PTK2: variants seen among roughly 807,000 people sequenced by gnomAD.
PTK2 encodes the protein protein tyrosine kinase 2.
Under a neutral mutation model 150.1 loss-of-function variants are expected in PTK2, and 45 were observed. The ratio of observed to expected loss-of-function variants is 0.30; its 90% CI spans 0.24 to 0.38. The LOEUF is 0.38. Ranked by LOEUF, PTK2 falls within the 10% of genes least tolerant of loss-of-function variation. PTK2 has a pLI of 1.00. For missense variants in PTK2, 919 were observed against 1,307.3 expected, an observed-to-expected ratio of 0.70 and a Z score of 4.58; for synonymous variants, 432 against 449.2, an observed-to-expected ratio of 0.96 and a Z score of 0.48.
intron 1 of PTK2, among the ~76,000 whole-genome samples, chr8:140,991,398 T>C (rs2100195654): frequency 6.6e-6 from 1 of 152,228 alleles, no homozygotes; most frequent in African/African-American, 2.4e-5. Flanking sequence ...CAAACTGCTA[T>C]TTCAATGTAA....
intron 5 of PTK2, among the ~76,000 whole-genome samples, chr8:140,854,829 G>A (rs1326030826): frequency 6.6e-6 from 1 of 152,006 alleles, no homozygotes; most frequent in Admixed American, 6.6e-5. Context: ...AAATGGACTT[G>A]GATGAATTTT....
At chr8:140,814,963 A>G (rs1445318927) in intron 10 of PTK2, among the ~76,000 whole-genome samples, 5 of 152,064 alleles carry the variant, frequency 3.3e-5, no homozygotes, top group Admixed American at 6.5e-5. Flanking sequence ...TTTAGTAGGG[A>G]CAGGGTTTCA....
rs540407223 is a variant in PTK2 at position 140,809,815 on chromosome 8, C to A, written c.868-6165G>T. On this transcript the variant is annotated intron_variant, in intron 10 of 31. Transcript: ENST00000522684. ...GGTGAGACCGTGTCTCAAAAAAGAT[C>A]TATTACTTTTGAAGTGATTAAAAAG... 5.3e-5 allele frequency among the ~76,000 whole-genome samples: 8 copies of A among 152,212 alleles called. No homozygotes were observed. The East Asian group carries it at 1.2e-3, about 22-fold the overall frequency.
At chr8:140,752,016 C>A (rs1415924554) in intron 17 of PTK2, 3 of 694,518 alleles carry the variant, frequency 4.3e-6, no homozygotes, top group Non-Finnish European at 5.3e-6. Flanking sequence ...AGTAAATGCA[C>A]ATCAATCTAC....
intron 26 of PTK2, among the ~76,000 whole-genome samples, chr8:140,692,198 G>C (rs1425512546): frequency 6.6e-6 from 1 of 152,132 alleles, no homozygotes; most frequent in Non-Finnish European, 1.5e-5. Context: ...ATCTACTTGT[G>C]TTCTGTGAAT....
chr8:140,848,807 C>T (rs2100127272), intron 5 of PTK2, among the ~76,000 whole-genome samples: 3 of 152,024 alleles, frequency 2.0e-5, no homozygotes, highest in Admixed American at 1.3e-4. Flanking sequence ...AGAAAAATAC[C>T]ACCGTTACTC....
intron 29 of PTK2, among the ~76,000 whole-genome samples, chr8:140,672,894 A>C (rs75140380): frequency 6.6e-6 from 1 of 152,350 alleles, no homozygotes; most frequent in East Asian, 1.9e-4. Flanking sequence ...CAAACTGCTT[A>C]ATCTCTGTGA....
intron 1 of PTK2, among the ~76,000 whole-genome samples, chr8:140,955,593 CTG>C (rs1021326749): frequency 6.6e-6 from 1 of 152,088 alleles, no homozygotes; most frequent in African/African-American, 2.4e-5. Context: ...GAAAAAGTAA[CTG>C]AATTTTTGAA....
intron 26 of PTK2, among the ~76,000 whole-genome samples, chr8:140,694,680 A>G (rs2100025400): frequency 6.6e-6 from 1 of 152,188 alleles, no homozygotes; most frequent in African/African-American, 2.4e-5. Flanking sequence ...GCTCATGCCA[A>G]AGGCCAAGAC....
At chr8:140,744,573 A>C (rs2100057606) in intron 19 of PTK2, 79 bp downstream of exon 22, 1 of 880,522 alleles carries the variant, frequency 1.1e-6, no homozygotes, top group South Asian at 2.1e-5. Flanking sequence ...AAAGGGTCCA[A>C]AGACGGTCCA....
At chr8:140,722,326 G>A (rs2100043359) in intron 22 of PTK2, among the ~76,000 whole-genome samples, 1 of 152,120 alleles carries the variant, frequency 6.6e-6, no homozygotes, top group African/African-American at 2.4e-5. Flanking sequence ...CTAGGCTGGA[G>A]TTCAGTGGCA....
At chr8:140,764,255 C>A in exon 15 of PTK2, 1 of 1,611,288 alleles carries the variant, frequency 6.2e-7, no homozygotes, top group South Asian at 1.1e-5. Flanking sequence ...GTGTAAGTAT[C>A]TTCTTCATCT....
chr8:140,870,692 T>C (rs1055195409), intron 4 of PTK2, among the ~76,000 whole-genome samples: 2 of 152,134 alleles, frequency 1.3e-5, no homozygotes, highest in Non-Finnish European at 2.9e-5. Context: ...ATGTTATAGA[T>C]TACAAAGACT....
At chr8:140,738,962 T>G in intron 21 of PTK2, 56 bp downstream of exon 24, 1 of 1,243,002 alleles carries the variant, frequency 8.0e-7, no homozygotes, top group Non-Finnish European at 1.1e-6. Context: ...AATTTTTTTT[T>G]GTATAACATA....
intron 1 of PTK2, among the ~76,000 whole-genome samples, chr8:140,979,876 T>C (rs953265811): frequency 4.6e-5 from 7 of 152,220 alleles, no homozygotes; most frequent in African/African-American, 7.2e-5. Context: ...TCCCCAGCCA[T>C]GTGGAATGTA....
At chr8:140,962,258 AG>A (rs1332707847) in intron 1 of PTK2, among the ~76,000 whole-genome samples, 20 of 113,902 alleles carry the variant, frequency 1.8e-4, no homozygotes, top group Middle Eastern at 4.3e-3. Flanking sequence ...GAAGGGAGGA[AG>A]GGAAGAAGGG....
intron 12 of PTK2, among the ~76,000 whole-genome samples, chr8:140,798,174 A>G (rs1002593351): frequency 1.3e-5 from 2 of 152,184 alleles, no homozygotes; most frequent in African/African-American, 4.8e-5. Flanking sequence ...GGAAAACGGT[A>G]CATTAGAGTT....
At chr8:140,976,983 T>A (rs1197823222) in intron 1 of PTK2, among the ~76,000 whole-genome samples, 1 of 152,208 alleles carries the variant, frequency 6.6e-6, no homozygotes, top group Non-Finnish European at 1.5e-5. Context: ...GAAAAAAAGC[T>A]CATTTGTTTG....
At chr8:140,750,839 T>G (rs931532946) in intron 17 of PTK2, among the ~76,000 whole-genome samples, 1 of 152,128 alleles carries the variant, frequency 6.6e-6, no homozygotes, top group Non-Finnish European at 1.5e-5. Context: ...TAATCCCAGC[T>G]CCCTGGGAGG....
Sources: allele counts gnomAD v4.1 joint callset (sites outside exome capture counted in the v4.1 genomes callset), GRCh38; gene constraint gnomAD v4.1.1; transcripts MANE v1.5; gene names NCBI Gene and HGNC (gene_info 2026-07-23, HGNC 2026-07-21).